Variants in CDH19 observed in about 807,000 individuals in gnomAD.
CDH19 encodes cadherin 19, also known as cadherin-19.
In CDH19, 67 loss-of-function variants were observed where a neutral mutation model predicts 64.2. The observed-to-expected ratio is 1.04, with a 90% CI of 0.86 to 1.28. The LOEUF (loss-of-function observed/expected upper bound fraction) is 1.28, where lower values mean the gene tolerates loss of function less well. Ranked by LOEUF, CDH19 falls within the 50% of genes most tolerant of loss-of-function variation. The pLI is 0.00. For synonymous variants in CDH19, 346 were observed against 319.3 expected, an observed-to-expected ratio of 1.08 and a Z score of -0.89; for missense variants, 1,030 against 929.0, an observed-to-expected ratio of 1.11 and a Z score of -1.41.
At chr18:66,536,997 A>G (rs1013353580) in intron 7 of CDH19, among the ~76,000 whole-genome samples, 1 of 151,944 alleles carries the variant, frequency 6.6e-6, no homozygotes, top group African/African-American at 2.4e-5. Flanking sequence ...AACATTTTAC[A>G]ATAATTTTGG....
At chr18:66,529,180 T>C (rs975990804) in intron 9 of CDH19, among the ~76,000 whole-genome samples, 1 of 151,928 alleles carries the variant, frequency 6.6e-6, no homozygotes, top group African/African-American at 2.4e-5. Flanking sequence ...TCATAAGTGT[T>C]TACATATCTA....
At chr18:66,568,763 T>C in intron 2 of CDH19, 53 bp from the exon 3 acceptor site, 1 of 1,397,212 alleles carries the variant, frequency 7.2e-7, no homozygotes, top group Non-Finnish European at 9.6e-7. Context: ...AATGGACAAA[T>C]CAAAATCAAG....
At chr18:66,579,846 T>C (rs1290259300) in intron 1 of CDH19, among the ~76,000 whole-genome samples, 1 of 152,090 alleles carries the variant, frequency 6.6e-6, no homozygotes, top group Non-Finnish European at 1.5e-5. Flanking sequence ...CATTGAATGT[T>C]TCTTTCTTGT....
Position 66,521,534 on chromosome 18 carries a change from T to TATTTA in CDH19, c.1458+8310_1458+8311insTAAAT, listed in dbSNP as rs1568176431. 1.4e-3 allele frequency among the ~76,000 whole-genome samples: 111 copies of TATTTA among 81,570 alleles called. 1 individual carries two copies. The highest frequency in any genetic ancestry group is 6.6e-3 in the Admixed American group (55 of 8,394). 53.5% of individuals were successfully genotyped at this position (81,570 alleles called of 152,430 possible). A position where few individuals can be genotyped will look rare whatever the true frequency, so the allele number is the denominator to read the frequency against. On this transcript the variant is annotated intron_variant, in intron 9 of 11. Transcript: ENST00000262150. Reference sequence around the variant, plus strand: ...TATTTATTTATTTATTTTGTTTGTTTGTTTGTTTGTTTATTTGTTTTTGAG... The same window carrying TATTTA: ...TATTTATTTATTTATTTTGTTTGTTTATTTAGTTTGTTTGTTTATTTGTTTTTGAG...
intron 8 of CDH19, among the ~76,000 whole-genome samples, chr18:66,533,254 A>C (rs932475854): frequency 6.6e-6 from 1 of 151,764 alleles, no homozygotes; most frequent in African/African-American, 2.4e-5. Flanking sequence ...ATGGCCTTTA[A>C]GAAATACAGC....
chr18:66,544,666 TTA>T (rs1409366650), intron 6 of CDH19, 51 bp downstream of exon 6: 5 of 1,218,780 alleles, frequency 4.1e-6, no homozygotes, highest in East Asian at 2.5e-5. Flanking sequence ...ACAAAATATG[TTA>T]TGTTTTAATT....
chr18:66,524,033 C>T (rs922279077), intron 9 of CDH19, among the ~76,000 whole-genome samples: 12 of 152,114 alleles, frequency 7.9e-5, no homozygotes, highest in African/African-American at 2.7e-4. Flanking sequence ...GAACATATTG[C>T]TGTACCAGAA....
intron 8 of CDH19, among the ~76,000 whole-genome samples, chr18:66,530,414 G>T (rs1986398119): frequency 6.6e-6 from 1 of 151,926 alleles, no homozygotes; most frequent in South Asian, 2.1e-4. Context: ...CTTGTGTAAG[G>T]TTATAGCTGC....
chr18:66,515,305 C>A (rs1371730349), intron 9 of CDH19, among the ~76,000 whole-genome samples: 2 of 151,612 alleles, frequency 1.3e-5, no homozygotes, highest in Admixed American at 1.3e-4. Flanking sequence ...ATGTATGAGA[C>A]CATCACTTTT....
chr18:66,515,498 C>A (rs1985697253), intron 9 of CDH19, among the ~76,000 whole-genome samples: 1 of 151,490 alleles, frequency 6.6e-6, no homozygotes, highest in Admixed American at 6.6e-5. Context: ...CTTTGTTTAG[C>A]AAAATATTAG....
At position 66,501,720 on chromosome 18, in the gene CDH19, G is replaced by T. The variant is rs1984950823; in HGVS notation, c.*3092C>A. On this transcript the variant is annotated 3_prime_UTR_variant, in exon 12 of 12. Transcript: ENST00000262150. ...TTGTCAGGCACTATTGGTGCTGCTG[G>T]TTTTACATATCTTATTATTAATTCT... The T allele has an allele frequency of 6.6e-6, 1 of 152,058 alleles. No homozygotes were observed. The highest frequency in any genetic ancestry group is 1.5e-5 in the Non-Finnish European group (1 of 67,990). 9.4% of individuals were successfully genotyped at this position (152,058 alleles called of 1,614,324 possible). A position where few individuals can be genotyped will look rare whatever the true frequency, so the allele number is the denominator to read the frequency against.
At chr18:66,509,531 AAAGT>A (rs1157083424) in intron 10 of CDH19, among the ~76,000 whole-genome samples, 1 of 151,790 alleles carries the variant, frequency 6.6e-6, no homozygotes, top group African/African-American at 2.4e-5. Context: ...TTATTTAGTT[AAAGT>A]ATTTATATTA....
chr18:66,603,083 G>A (rs898850043), intron 1 of CDH19, among the ~76,000 whole-genome samples: 4 of 150,514 alleles, frequency 2.7e-5, no homozygotes, highest in African/African-American at 9.7e-5. Context: ...TGAATTAATA[G>A]AGCTAAAATA....
chr18:66,571,459 C>T (rs935428840), intron 2 of CDH19, among the ~76,000 whole-genome samples: 2 of 151,564 alleles, frequency 1.3e-5, no homozygotes, highest in Non-Finnish European at 3.0e-5. Context: ...AAGCCAAAAA[C>T]ATAAATAGGA....
chr18:66,532,181 G>T (rs1400712767), intron 8 of CDH19, among the ~76,000 whole-genome samples: 1 of 151,778 alleles, frequency 6.6e-6, no homozygotes, highest in Non-Finnish European at 1.5e-5. Flanking sequence ...TGGCAACGGT[G>T]ATCACAAACT....
intron 10 of CDH19, among the ~76,000 whole-genome samples, chr18:66,509,826 A>G (rs1985385159): frequency 6.6e-6 from 1 of 151,888 alleles, no homozygotes; most frequent in Non-Finnish European, 1.5e-5. Flanking sequence ...TTCTAATTAG[A>G]CAAAATAATT....
intron 1 of CDH19, among the ~76,000 whole-genome samples, chr18:66,587,833 T>C (rs912683471): frequency 6.6e-6 from 1 of 152,122 alleles, no homozygotes; most frequent in Admixed American, 6.6e-5. Context: ...GTTACTGTAA[T>C]AGCCTAGCTC....
chr18:66,549,745 ACTGAGTAGTTGT>A (rs1389160730), intron 5 of CDH19, among the ~76,000 whole-genome samples: 1 of 152,168 alleles, frequency 6.6e-6, no homozygotes, highest in African/African-American at 2.4e-5. Context: ...TGTTGGCTAC[ACTGAGTAGTTGT>A]CTGTATCATT....
chr18:66,589,361 G>A (rs967734548), intron 1 of CDH19, among the ~76,000 whole-genome samples: 1 of 151,548 alleles, frequency 6.6e-6, no homozygotes, highest in African/African-American at 2.4e-5. Flanking sequence ...ATTTCTAACA[G>A]TATTTATTTC....
Sources: gnomAD v4.1 joint callset for allele counts (sites outside exome capture counted in the v4.1 genomes callset) on GRCh38, gnomAD v4.1.1 for gene constraint, MANE v1.5 for transcripts, NCBI Gene and HGNC (gene_info 2026-07-23, HGNC 2026-07-21) for gene names.